Variants in AFDN observed in about 807,000 individuals in gnomAD.
AFDN encodes afadin.
AFDN carries 68 observed loss-of-function variants against 216.6 expected under a neutral mutation model. That is an observed-to-expected ratio of 0.31 (90% CI 0.26 to 0.38). AFDN has a LOEUF of 0.38. AFDN is among the 10% of genes least tolerant of loss of function. AFDN has a pLI of 1.00. For synonymous variants in AFDN, 868 were observed against 853.7 expected (o/e 1.02, Z -0.29); for missense variants, 2,136 against 2,342.0 (o/e 0.91, Z 1.82).
At chr6:167,895,372 C>G (rs928974201) in intron 9 of AFDN, among the ~76,000 whole-genome samples, 1 of 152,106 alleles carries the variant, frequency 6.6e-6, no homozygotes, top group Admixed American at 6.5e-5. Flanking sequence ...TACCTATGTC[C>G]AGGAAAAGCC....
intron 11 of AFDN, among the ~76,000 whole-genome samples, chr6:167,901,701 T>A (rs1216124499): frequency 6.6e-6 from 1 of 152,140 alleles, no homozygotes; most frequent in Non-Finnish European, 1.5e-5. Context: ...CACTTCAACC[T>A]TGTACACCTC....
intron 12 of AFDN, among the ~76,000 whole-genome samples, chr6:167,904,475 G>C (rs1464465584): frequency 6.6e-6 from 1 of 152,104 alleles, no homozygotes; most frequent in African/African-American, 2.4e-5. Flanking sequence ...TTCCCAAAAT[G>C]CTAGGATTAC....
At chr6:167,908,241 C>A (rs1307266402) in intron 13 of AFDN, among the ~76,000 whole-genome samples, 1 of 152,206 alleles carries the variant, frequency 6.6e-6, no homozygotes, top group Non-Finnish European at 1.5e-5. Context: ...GACGAAGACA[C>A]AGTTCTTCAG....
chr6:167,951,095 G>A lies in AFDN; in HGVS notation c.3832-91G>A. The A allele has an allele frequency of 6.9e-7, 1 of 1,449,502 alleles. No individual in the cohort carries two copies. The highest frequency in any genetic ancestry group is 2.3e-4 in the Middle Eastern group (1 of 4,420). 89.8% of individuals were successfully genotyped at this position (1,449,502 alleles called of 1,614,324 possible). ...TCTCTTTCTGTACACTGATTTAACA[G>A]TTTTTCTTCTGTCTGAAGATAAAAT... On this transcript the variant is annotated intron_variant, in intron 29 of 33. Coordinates refer to ENST00000683244, the MANE Select transcript of AFDN (RefSeq NM_001386888.1). The surrounding 1 kb of genome is among the most constrained non-coding windows in gnomAD (Gnocchi z 7.1).
rs1244024457 is a variant in AFDN, at chr6:167,911,375, A to C, written c.1923A>C (p.Ala641=). ...CCCCTACATATGTATTATATATGGC[A>C]TGCCGGTATGTATTGTCCAACCAGT... ...KLSPTYVLYM[A]CRYVLSNQYR... is the part of the protein sequence containing the mutation. Residue 641 remains alanine (A), a synonymous_variant, in exon 15 of 34, where the codon GCA becomes GCC. Transcript: ENST00000683244. 1 of 1,613,950 alleles carries C rather than the reference A, an allele frequency of 6.2e-7. No homozygotes were observed. Among genetic ancestry groups the C allele is most frequent in the Admixed American group, 1.7e-5 (1 of 60,010 alleles).
rs76767456 is a variant in AFDN, at chr6:167,949,959, G to A, written c.3832-1227G>A. On this transcript the variant is annotated intron_variant, in intron 29 of 33. Coordinates refer to ENST00000683244, the MANE Select transcript of AFDN (RefSeq NM_001386888.1). ...GTTTAAGCGAGGAGGTGGAGAGTGCGAGCCAGCAGCCGGGGCCAGTGCAAA... is the reference window on the plus strand; with the variant it reads ...GTTTAAGCGAGGAGGTGGAGAGTGCAAGCCAGCAGCCGGGGCCAGTGCAAA... Among the ~76,000 whole-genome samples, 691 of 152,264 alleles carry A rather than the reference G, an allele frequency of 4.5e-3. 9 individuals carry two copies. Among genetic ancestry groups the A allele is most frequent in the African/African-American group, 0.016 (653 of 41,548 alleles).
chr6:167,855,757 G>A (rs1782823227), intron 1 of AFDN, among the ~76,000 whole-genome samples: 1 of 151,932 alleles, frequency 6.6e-6, no homozygotes, highest in African/African-American at 2.4e-5. Flanking sequence ...TTTAGACAAG[G>A]GCCTGTATTA....
At chr6:167,955,939 A>C (rs1052405229) in intron 30 of AFDN, among the ~76,000 whole-genome samples, 3 of 151,842 alleles carry the variant, frequency 2.0e-5, no homozygotes, top group African/African-American at 7.3e-5. Context: ...ACATGGTGAA[A>C]CCTCGTCTCT....
At chr6:167,866,847 T>C (rs1377894490) in intron 2 of AFDN, among the ~76,000 whole-genome samples, 3 of 152,230 alleles carry the variant, frequency 2.0e-5, no homozygotes, top group African/African-American at 7.2e-5. Flanking sequence ...TCTTGAATAT[T>C]TAAATGCTCC....
intron 30 of AFDN, 111 bp downstream of exon 30, chr6:167,952,298 C>T (rs1397279525): frequency 6.4e-7 from 1 of 1,570,256 alleles, no homozygotes; most frequent in Admixed American, 1.9e-5. Flanking sequence ...TAAAAGGGCC[C>T]CTAGGCTTAT....
intron 23 of AFDN, chr6:167,932,796 G>C (rs956014506): frequency 6.6e-6 from 1 of 152,070 alleles, no homozygotes; most frequent in African/African-American, 2.4e-5. Flanking sequence ...CGGTGTTCTC[G>C]TGCTCACTGT....
chr6:167,864,910 CTGGGAAG>C (rs1366644664), intron 2 of AFDN, 164 bp downstream of exon 2: 1 of 789,140 alleles, frequency 1.3e-6, no homozygotes, highest in Admixed American at 1.7e-5. Flanking sequence ...TGTTTTATGT[CTGGGAAG>C]TGTTCTTATA....
chr6:167,915,879 A>G (rs182272494), intron 19 of AFDN, among the ~76,000 whole-genome samples: 3 of 152,240 alleles, frequency 2.0e-5, no homozygotes, highest in Admixed American at 6.5e-5. Context: ...CAAATTTCAT[A>G]TTTAGACTTG....
At chr6:167,954,900 A>T (rs1796342406) in intron 30 of AFDN, among the ~76,000 whole-genome samples, 1 of 152,248 alleles carries the variant, frequency 6.6e-6, no homozygotes, top group African/African-American at 2.4e-5. Flanking sequence ...ATTATTTGCC[A>T]GTTAAGATAT....
chr6:167,833,405 G>A (rs1022183501), intron 1 of AFDN, among the ~76,000 whole-genome samples: 1 of 152,184 alleles, frequency 6.6e-6, no homozygotes, highest in Non-Finnish European at 1.5e-5. Flanking sequence ...TGTTTGGGGG[G>A]TGTTTTATTG....
intron 30 of AFDN, among the ~76,000 whole-genome samples, chr6:167,953,420 CAT>C (rs1333612638): frequency 2.0e-5 from 3 of 152,168 alleles, no homozygotes; most frequent in African/African-American, 7.2e-5. Flanking sequence ...TTAATATATA[CAT>C]ATCTCAGCCA....
chr6:167,894,656 TAAG>T (rs1788012852), intron 9 of AFDN, among the ~76,000 whole-genome samples: 1 of 152,150 alleles, frequency 6.6e-6, no homozygotes, highest in South Asian at 2.1e-4. Context: ...TGTGAAGTAA[TAAG>T]AGAGCCTGGG....
chr6:167,924,796 G>A (rs1477362551), intron 22 of AFDN: 12 of 575,208 alleles, frequency 2.1e-5, no homozygotes, highest in Non-Finnish European at 3.5e-5. Context: ...TCATCTTTAA[G>A]ACTTGAGTCA....
chr6:167,906,873 GTACTT>G (rs1284221370), intron 12 of AFDN, among the ~76,000 whole-genome samples: 2 of 152,178 alleles, frequency 1.3e-5, no homozygotes, highest in Non-Finnish European at 2.9e-5. Flanking sequence ...TACTATTAAT[GTACTT>G]TCAGAAAAAT....
Sources: gnomAD v4.1 joint callset for allele counts (sites outside exome capture counted in the v4.1 genomes callset) on GRCh38, gnomAD v4.1.1 for gene constraint, Gnocchi (gnomAD v3.1) non-coding constraint, MANE v1.5 for transcripts, NCBI Gene and HGNC (gene_info 2026-07-23, HGNC 2026-07-21) for gene names.